The following CD96 variants were observed in gnomAD, a reference collection of about 807,000 sequenced individuals.
CD96 encodes T-cell surface protein tactile.
CD96 carries 70 observed loss-of-function variants against 71.3 expected under a neutral mutation model. That is an observed-to-expected ratio of 0.98 (90% CI 0.81 to 1.20). The LOEUF (loss-of-function observed/expected upper bound fraction) is 1.20, where lower values mean the gene tolerates loss of function less well. CD96 is among the 50% of genes most tolerant of loss of function. The pLI is 0.00. For missense variants in CD96, 742 were observed against 677.5 expected (o/e 1.10, Z -1.06); for synonymous variants, 248 against 233.0 (o/e 1.06, Z -0.59).
At chr3:111,645,545 G>T (rs1271209947) in intron 12 of CD96, among the ~76,000 whole-genome samples, 1 of 152,018 alleles carries the variant, frequency 6.6e-6, no homozygotes, top group Non-Finnish European at 1.5e-5. Flanking sequence ...AAAACCTTTT[G>T]TTCTTTCCTT....
chr3:111,665,292 G>A (rs1029614582), intron 14 of CD96, among the ~76,000 whole-genome samples: 1 of 152,026 alleles, frequency 6.6e-6, no homozygotes, highest in Non-Finnish European at 1.5e-5. Flanking sequence ...AAGTACTTGA[G>A]CAAGACCCTA....
rs1935028634 is a variant in CD96 at position 111,556,262 on chromosome 3, GT to G, written c.418+10862del. Among the ~76,000 whole-genome samples, 3 of 56,810 alleles carry G rather than the reference GT, an allele frequency of 5.3e-5. No homozygotes were observed. In the South Asian group the frequency reaches 1.7e-3, roughly 33 times the overall value. 37.3% of individuals were successfully genotyped at this position (56,810 alleles called of 152,430 possible). ...GTACATGTGCACATTGTGCAGGTTAGTTACATATGTATACATGTGCCGTGCT... is the reference window on the plus strand; with the variant it reads ...GTACATGTGCACATTGTGCAGGTTAGTACATATGTATACATGTGCCGTGCT... On this transcript the variant is annotated intron_variant, in intron 2 of 13. Transcript: ENST00000352690.
At chr3:111,600,132 A>G (rs1442525848) in intron 6 of CD96, among the ~76,000 whole-genome samples, 1 of 152,220 alleles carries the variant, frequency 6.6e-6, no homozygotes, top group African/African-American at 2.4e-5. Context: ...TATGCAGCAT[A>G]TCCTATCCTA....
intron 13 of CD96, among the ~76,000 whole-genome samples, chr3:111,648,538 A>C (rs1406521805): frequency 6.6e-6 from 1 of 152,228 alleles, no homozygotes; most frequent in Non-Finnish European, 1.5e-5. Flanking sequence ...AAAAAACAAA[A>C]GTAAAACAAA....
Position 111,650,051 on chromosome 3 carries a change from T to A in CD96, c.*245T>A. ...TGCAATTCGTAGTGGTTTTCTTGCTTATGTAAGAAGTACATATTAGTCTGC... is the reference window on the plus strand; with the variant it reads ...TGCAATTCGTAGTGGTTTTCTTGCTAATGTAAGAAGTACATATTAGTCTGC... On this transcript the variant is annotated 3_prime_UTR_variant, in exon 14 of 14. Coordinates refer to ENST00000352690, the MANE Select transcript of CD96 (RefSeq NM_005816.5). 2.0e-6 allele frequency: 1 copy of A among 507,314 alleles called. No individual in the cohort carries two copies. The highest frequency in any genetic ancestry group is 3.6e-6 in the Non-Finnish European group (1 of 277,290). 31.4% of individuals were successfully genotyped at this position (507,314 alleles called of 1,614,324 possible).
intron 5 of CD96, among the ~76,000 whole-genome samples, chr3:111,592,188 G>T (rs1937022334): frequency 6.6e-6 from 1 of 152,100 alleles, no homozygotes. Flanking sequence ...CAAATATCAG[G>T]TCCAGTGCAG....
At chr3:111,660,515 C>A (rs1006696961) in intron 14 of CD96, among the ~76,000 whole-genome samples, 1 of 152,090 alleles carries the variant, frequency 6.6e-6, no homozygotes, top group Non-Finnish European at 1.5e-5. Context: ...GAAAAAAAAA[C>A]TATTCTAACA....
At chr3:111,647,415 C>T (rs1939882098) in intron 12 of CD96, 128 bp from the exon 13 acceptor site, 3 of 852,626 alleles carry the variant, frequency 3.5e-6, no homozygotes, top group African/African-American at 3.3e-5. Context: ...TTAGACATGC[C>T]CACCTCCAGA....
At chr3:111,579,271 C>G in intron 4 of CD96, 37 bp downstream of exon 4, 1 of 1,074,776 alleles carries the variant, frequency 9.3e-7, no homozygotes, top group Non-Finnish European at 1.5e-6. Context: ...CTGGCATCCT[C>G]CTGTCTCCTG....
intron 5 of CD96, among the ~76,000 whole-genome samples, chr3:111,588,926 T>C (rs1457454265): frequency 1.3e-5 from 2 of 152,010 alleles, no homozygotes; most frequent in Non-Finnish European, 2.9e-5. Context: ...ATACAGCTTT[T>C]GGTAGGTGTT....
chr3:111,569,263 A>T (rs1167921669), intron 3 of CD96, among the ~76,000 whole-genome samples: 1 of 152,234 alleles, frequency 6.6e-6, no homozygotes, highest in Non-Finnish European at 1.5e-5. Flanking sequence ...TTTTTCAGAT[A>T]GTAAATAATA....
At chr3:111,615,030 C>T (rs1415689077) in intron 8 of CD96, among the ~76,000 whole-genome samples, 3 of 152,194 alleles carry the variant, frequency 2.0e-5, no homozygotes, top group African/African-American at 4.8e-5. Flanking sequence ...CACACTGCCT[C>T]GCATGTCCTG....
intron 6 of CD96, among the ~76,000 whole-genome samples, chr3:111,600,383 C>T (rs1303902757): frequency 6.6e-6 from 1 of 152,208 alleles, no homozygotes; most frequent in African/African-American, 2.4e-5. Context: ...CAAGATCCGA[C>T]CTAGACTAGG....
At chr3:111,644,282 A>T (rs1482903254) in intron 12 of CD96, among the ~76,000 whole-genome samples, 1 of 152,188 alleles carries the variant, frequency 6.6e-6, no homozygotes, top group African/African-American at 2.4e-5. Context: ...GGAGAATTAA[A>T]CTGGATCCTC....
intron 1 of CD96, among the ~76,000 whole-genome samples, 190 bp from the exon 2 acceptor site, chr3:111,544,856 A>C (rs1424392076): frequency 6.6e-6 from 1 of 152,178 alleles, no homozygotes; most frequent in East Asian, 1.9e-4. Flanking sequence ...CTCTACGTAA[A>C]TGCCTCCTCA....
intron 8 of CD96, among the ~76,000 whole-genome samples, chr3:111,608,747 A>T (rs752860891): frequency 3.3e-5 from 5 of 152,234 alleles, no homozygotes; most frequent in Admixed American, 6.5e-5. Flanking sequence ...AAAAACTATT[A>T]GTTGAATAAC....
chr3:111,592,993 C>T (rs1426317661), intron 5 of CD96: 1 of 152,252 alleles, frequency 6.6e-6, no homozygotes, highest in Non-Finnish European at 1.5e-5. Flanking sequence ...ATCTGAGGCT[C>T]ACAGTTCTTT....
intron 3 of CD96, among the ~76,000 whole-genome samples, chr3:111,568,454 C>T (rs919310262): frequency 6.6e-6 from 1 of 152,186 alleles, no homozygotes; most frequent in African/African-American, 2.4e-5. Context: ...GGTGGGCCAA[C>T]TATTAAGTTG....
chr3:111,546,048 G>T (rs952639216), intron 2 of CD96, among the ~76,000 whole-genome samples: 4 of 152,074 alleles, frequency 2.6e-5, no homozygotes, highest in African/African-American at 9.7e-5. Context: ...GGTGAAGATG[G>T]ACAAGAAGGA....
Sources: gnomAD v4.1 joint callset for allele counts (sites outside exome capture counted in the v4.1 genomes callset) on GRCh38, gnomAD v4.1.1 for gene constraint, MANE v1.5 for transcripts, NCBI Gene and HGNC (gene_info 2026-07-23, HGNC 2026-07-21) for gene names.